The following PRMT3 variants were observed in gnomAD, a reference collection of about 807,000 sequenced individuals.
PRMT3 encodes the protein protein arginine N-methyltransferase 3.
Under a neutral mutation model 71.9 loss-of-function variants are expected in PRMT3, and 62 were observed. The ratio of observed to expected loss-of-function variants is 0.86; its 90% CI spans 0.70 to 1.07. The LOEUF (loss-of-function observed/expected upper bound fraction) is 1.07. PRMT3 is among the 50% of genes least tolerant of loss of function. The probability of loss-of-function intolerance (pLI) is 0.00; values close to 1 mark genes in which losing one functional copy is unlikely to be tolerated. For missense variants in PRMT3, 663 were observed against 643.0 expected, an observed-to-expected ratio of 1.03 and a Z score of -0.34; for synonymous variants, 213 against 220.4, an observed-to-expected ratio of 0.97 and a Z score of 0.30.
intron 6 of PRMT3, among the ~76,000 whole-genome samples, chr11:20,397,212 A>G (rs918097350): frequency 5.9e-5 from 9 of 152,206 alleles, no homozygotes; most frequent in Non-Finnish European, 1.3e-4. Flanking sequence ...ATGGTTTTAA[A>G]GAATATTAAT....
intron 13 of PRMT3, among the ~76,000 whole-genome samples, chr11:20,467,919 A>G (rs568171490): frequency 1.3e-5 from 2 of 152,168 alleles, no homozygotes; most frequent in Non-Finnish European, 2.9e-5. Context: ...TTGGGATGGT[A>G]TCAGCTCCTT....
intron 5 of PRMT3, 44 bp downstream of exon 5, chr11:20,393,043 G>A (rs372310139): frequency 3.5e-5 from 44 of 1,240,960 alleles, no homozygotes; most frequent in Middle Eastern, 3.8e-4. Flanking sequence ...ACATAAGGCC[G>A]TTTGTTAACG....
intron 13 of PRMT3, among the ~76,000 whole-genome samples, chr11:20,491,715 T>C (rs1351992343): frequency 6.6e-6 from 1 of 152,190 alleles, no homozygotes; most frequent in Non-Finnish European, 1.5e-5. Context: ...CAGAGGTTAA[T>C]CCTGAGACTT....
In PRMT3 at chr11:20,407,959, G is replaced by A. The variant is rs755343797; in HGVS notation, c.820G>A (p.Ala274Thr). 3.1e-6 allele frequency: 5 copies of A among 1,609,892 alleles called. No individual in the cohort carries two copies. The African/African-American group carries it at 6.7e-5, about 22-fold the overall frequency. ...AACTGGAATTCTCTCTATGTTTGCT[G>A]CTAAAGCTGGGGCGAAGAAGGTTCT... is the stretch of plus-strand genomic sequence containing the variant. ...CGTGILSMFA[A>T]KAGAKKVLGV... Residue 274 changes from alanine (A) to threonine (T), a missense_variant, in exon 9 of 16, where the codon GCT becomes ACT. Physicochemically the swap from Ala to Thr is moderately conservative, Grantham distance 58 (BLOSUM62 0). Coordinates refer to ENST00000331079, the MANE Select transcript of PRMT3 (RefSeq NM_005788.4).
In PRMT3 at chr11:20,410,172, C is replaced by A. The variant is rs367772124; in HGVS notation, c.893+2140C>A. Among the ~76,000 whole-genome samples the A allele has an allele frequency of 1.7e-4, 26 of 152,148 alleles. No homozygotes were observed. In the South Asian group the frequency reaches 4.6e-3, roughly 27 times the overall value. ...TTATGTAATGATTACACCTAAAATT[C>A]ATCGTTTATAATATTAATATTTAGT... On this transcript the variant is annotated intron_variant, in intron 9 of 15. Coordinates refer to ENST00000331079, the MANE Select transcript of PRMT3 (RefSeq NM_005788.4).
chr11:20,473,128 A>G (rs1752824232), intron 13 of PRMT3, among the ~76,000 whole-genome samples: 2 of 151,364 alleles, frequency 1.3e-5, no homozygotes, highest in South Asian at 4.2e-4. Context: ...TGATTCTTCT[A>G]TTCTTTATTA....
At chr11:20,455,289 G>A (rs1453861530) in intron 11 of PRMT3, among the ~76,000 whole-genome samples, 1 of 152,156 alleles carries the variant, frequency 6.6e-6, no homozygotes, top group Non-Finnish European at 1.5e-5. Context: ...GCAGGTAGAA[G>A]TGTTCACATT....
chr11:20,400,721 A>C (rs1479611665), intron 7 of PRMT3, among the ~76,000 whole-genome samples: 1 of 151,950 alleles, frequency 6.6e-6, no homozygotes, highest in African/African-American at 2.4e-5. Flanking sequence ...CTTTACCTTC[A>C]TTCTTTTTTT....
At chr11:20,433,452 T>A (rs575235778) in intron 10 of PRMT3, among the ~76,000 whole-genome samples, 10 of 152,210 alleles carry the variant, frequency 6.6e-5, no homozygotes, top group Non-Finnish European at 1.3e-4. Flanking sequence ...TTATCCACTC[T>A]GTCACTGATG....
chr11:20,397,547 T>A, intron 6 of PRMT3, 30 bp from the exon 7 acceptor site: 1 of 1,612,042 alleles, frequency 6.2e-7, no homozygotes, highest in Non-Finnish European at 8.5e-7. Flanking sequence ...AATAAACCTG[T>A]CTCAAGGGTG....
At chr11:20,418,807 A>G (rs1233922001) in intron 9 of PRMT3, among the ~76,000 whole-genome samples, 1 of 152,234 alleles carries the variant, frequency 6.6e-6, no homozygotes, top group African/African-American at 2.4e-5. Flanking sequence ...TTTGTATGAA[A>G]TATGTAAAAT....
intron 10 of PRMT3, among the ~76,000 whole-genome samples, chr11:20,429,623 G>T (rs1849614278): frequency 6.6e-6 from 1 of 152,152 alleles, no homozygotes; most frequent in African/African-American, 2.4e-5. Context: ...ATTCAGGAAG[G>T]GATAACTAAG....
At chr11:20,432,447 G>A (rs1407050282) in intron 10 of PRMT3, among the ~76,000 whole-genome samples, 1 of 151,450 alleles carries the variant, frequency 6.6e-6, no homozygotes, top group African/African-American at 2.4e-5. Context: ...CATTTTTTTT[G>A]TCCATTCAAC....
chr11:20,490,950 C>CT (rs911202444), intron 13 of PRMT3, among the ~76,000 whole-genome samples: 8 of 152,004 alleles, frequency 5.3e-5, no homozygotes, highest in Admixed American at 1.3e-4. Context: ...AATTTTAAAA[C>CT]TTTTTTTTCT....
intron 13 of PRMT3, among the ~76,000 whole-genome samples, chr11:20,475,572 T>TA (rs11424592): frequency 0.79 from 119,811 of 151,650 alleles, 48,880 homozygotes; most frequent in Non-Finnish European, 0.91. Flanking sequence ...TGTTTTTACT[T>TA]AAAAACCTCT....
At chr11:20,476,727 TTGTACAATTTCTATTTTCATTTTTAGAG>T in intron 13 of PRMT3, among the ~76,000 whole-genome samples, 3 of 141,362 alleles carry the variant, frequency 2.1e-5, no homozygotes, top group African/African-American at 8.0e-5. Flanking sequence ...TATCTTTTAG[TTGTACAATTTCTATTTTCATTTTTAGAG>T]TTTTTTTATC....
chr11:20,480,165 G>A (rs1850896552), intron 13 of PRMT3, among the ~76,000 whole-genome samples: 1 of 152,110 alleles, frequency 6.6e-6, no homozygotes, highest in Non-Finnish European at 1.5e-5. Flanking sequence ...GGGGTGACTT[G>A]ATGGGAAAGG....
At chr11:20,397,743 G>T (rs77792946) in intron 7 of PRMT3, 22 bp downstream of exon 7, 1 of 1,610,530 alleles carries the variant, frequency 6.2e-7, no homozygotes, top group Non-Finnish European at 8.5e-7. Context: ...ACACAAATGC[G>T]TCAAATCCAT....
chr11:20,453,975 A>G (rs548681051), intron 11 of PRMT3, among the ~76,000 whole-genome samples: 2 of 152,320 alleles, frequency 1.3e-5, no homozygotes, highest in Non-Finnish European at 2.9e-5. Flanking sequence ...TTAGGGATAC[A>G]TAAACTGTAA....
Sources: gnomAD v4.1 joint callset for allele counts (sites outside exome capture counted in the v4.1 genomes callset) on GRCh38, gnomAD v4.1.1 for gene constraint, MANE v1.5 for transcripts, NCBI Gene and HGNC (gene_info 2026-07-23, HGNC 2026-07-21) for gene names.